Variants in DLG2 observed in about 807,000 individuals in gnomAD.
The protein encoded by DLG2 is discs large MAGUK scaffold protein 2, also known as disks large homolog 2.
In DLG2, 45 loss-of-function variants were observed where a neutral mutation model predicts 132.5. That is an observed-to-expected ratio of 0.34 (90% CI 0.27 to 0.44). The LOEUF (loss-of-function observed/expected upper bound fraction) is 0.44. DLG2 is among the 20% of genes least tolerant of loss of function. The pLI is 1.00. For synonymous variants in DLG2, 424 were observed against 419.6 expected (o/e 1.01, Z -0.13); for missense variants, 1,045 against 1,196.9 (o/e 0.87, Z 1.87).
intron 7 of DLG2, among the ~76,000 whole-genome samples, chr11:84,274,427 T>C (rs2097766054): frequency 6.6e-6 from 1 of 152,188 alleles, no homozygotes; most frequent in Admixed American, 6.5e-5. Context: ...ATGCATTTAA[T>C]TGACCTAGAA....
In DLG2 at chr11:83,698,321, T is replaced by C. The variant is rs144460467; in HGVS notation, c.1826-64996A>G. ...TATATAGATGATAGGTTTGCAGAAA[T>C]GGCAGTGGGTGTTTCATTTTCATAT... On this transcript the variant is annotated intron_variant, in intron 18 of 27. Transcript: ENST00000376104. Among the ~76,000 whole-genome samples, 389 of 152,324 alleles carry C rather than the reference T, an allele frequency of 2.6e-3. 2 individuals carry two copies. The highest frequency in any genetic ancestry group is 8.9e-3 in the African/African-American group (370 of 41,572).
chr11:83,850,774 T>C (rs953768164), intron 16 of DLG2, among the ~76,000 whole-genome samples: 2 of 152,198 alleles, frequency 1.3e-5, no homozygotes, highest in Admixed American at 6.5e-5. Flanking sequence ...CAGCAGCTAC[T>C]GGGCTCGACC....
At chr11:84,709,729 TC>T (rs1235577756) in intron 6 of DLG2, among the ~76,000 whole-genome samples, 2 of 151,844 alleles carry the variant, frequency 1.3e-5, no homozygotes, top group Non-Finnish European at 2.9e-5. Context: ...CCCCTCTTCC[TC>T]CCTTTCTCCT....
At chr11:85,451,611 A>C (rs761590803) in intron 3 of DLG2, among the ~76,000 whole-genome samples, 1 of 152,238 alleles carries the variant, frequency 6.6e-6, no homozygotes, top group African/African-American at 2.4e-5. Context: ...TTATTAAATA[A>C]GGATAGTAAA....
intron 2 of DLG2, among the ~76,000 whole-genome samples, chr11:85,605,634 G>C (rs2080474741): frequency 1.3e-5 from 2 of 152,138 alleles, no homozygotes; most frequent in African/African-American, 4.8e-5. Flanking sequence ...TCAAAATAAA[G>C]ATAATTAACT....
chr11:84,642,196 A>G (rs907636709), intron 6 of DLG2, among the ~76,000 whole-genome samples: 1 of 151,030 alleles, frequency 6.6e-6, no homozygotes, highest in Non-Finnish European at 1.5e-5. Context: ...AGCTTGAATT[A>G]CCAAACCTTA....
intron 3 of DLG2, among the ~76,000 whole-genome samples, chr11:85,459,550 A>G (rs2040811073): frequency 6.6e-6 from 1 of 152,040 alleles, no homozygotes; most frequent in African/African-American, 2.4e-5. Flanking sequence ...TTAGCTGTGG[A>G]TGGGTGGCTA....
At chr11:85,410,675 C>T (rs577632918) in intron 3 of DLG2, among the ~76,000 whole-genome samples, 4 of 151,830 alleles carry the variant, frequency 2.6e-5, no homozygotes, top group East Asian at 1.9e-4. Context: ...CTTTGCTAAA[C>T]GCTGAAAATG....
At chr11:83,873,592 T>C (rs769780841) in intron 16 of DLG2, among the ~76,000 whole-genome samples, 2 of 152,230 alleles carry the variant, frequency 1.3e-5, no homozygotes, top group African/African-American at 2.4e-5. Context: ...TAAACCTCTT[T>C]CTTTTGTTAA....
At chr11:85,012,106 G>C (rs2059189787) in intron 6 of DLG2, among the ~76,000 whole-genome samples, 1 of 149,220 alleles carries the variant, frequency 6.7e-6, no homozygotes, top group Non-Finnish European at 1.5e-5. Context: ...CGGATCACCT[G>C]AGGTTGGGAG....
chr11:84,844,135 G>GTA (rs74200849), intron 6 of DLG2, among the ~76,000 whole-genome samples: 1,689 of 43,622 alleles, frequency 0.039, 39 homozygotes, highest in East Asian at 0.13. Context: ...GTGTGTGTGT[G>GTA]TATATATATA....
At chr11:84,283,405 T>C (rs1412180228) in intron 7 of DLG2, among the ~76,000 whole-genome samples, 2 of 152,212 alleles carry the variant, frequency 1.3e-5, no homozygotes, top group Non-Finnish European at 2.9e-5. Context: ...GAGTTAATAT[T>C]GATAAAACTT....
At chr11:84,494,922 C>T (rs2099176728) in intron 7 of DLG2, among the ~76,000 whole-genome samples, 1 of 152,122 alleles carries the variant, frequency 6.6e-6, no homozygotes, top group African/African-American at 2.4e-5. Context: ...TCCCAAGAAT[C>T]ATTCTCAAAT....
At chr11:83,615,564 T>C (rs1434729847) in intron 19 of DLG2, among the ~76,000 whole-genome samples, 1 of 152,210 alleles carries the variant, frequency 6.6e-6, no homozygotes, top group Non-Finnish European at 1.5e-5. Context: ...GTTAAGAAAC[T>C]TGAAATGTGG....
intron 5 of DLG2, among the ~76,000 whole-genome samples, chr11:85,124,570 T>C (rs920337301): frequency 1.3e-5 from 2 of 152,222 alleles, no homozygotes; most frequent in Non-Finnish European, 2.9e-5. Context: ...CTAAGATTAC[T>C]AGTATAATAA....
At chr11:84,300,294 G>C (rs749547608) in intron 7 of DLG2, among the ~76,000 whole-genome samples, 13 of 152,032 alleles carry the variant, frequency 8.6e-5, no homozygotes, top group Non-Finnish European at 1.6e-4. Context: ...GTCTACTTCT[G>C]TCTGTTGCAT....
chr11:84,607,616 T>A (rs1319203344), intron 6 of DLG2, among the ~76,000 whole-genome samples: 10 of 152,132 alleles, frequency 6.6e-5, no homozygotes, highest in Non-Finnish European at 1.5e-4. Context: ...CTCCTTTTTT[T>A]AATGAATATA....
chr11:84,491,087 C>T (rs1412428413), intron 7 of DLG2, among the ~76,000 whole-genome samples: 1 of 151,940 alleles, frequency 6.6e-6, no homozygotes, highest in Non-Finnish European at 1.5e-5. Flanking sequence ...AACATAAAAT[C>T]TAAATAATAG....
chr11:85,237,052 A>G (rs1447047375), intron 4 of DLG2, among the ~76,000 whole-genome samples: 1 of 152,074 alleles, frequency 6.6e-6, no homozygotes, highest in Admixed American at 6.6e-5. Flanking sequence ...GACCATAACA[A>G]TCTGCACACA....
Sources: gnomAD v4.1 joint callset for allele counts (sites outside exome capture counted in the v4.1 genomes callset) on GRCh38, gnomAD v4.1.1 for gene constraint, MANE v1.5 for transcripts, NCBI Gene and HGNC (gene_info 2026-07-23, HGNC 2026-07-21) for gene names.